ZFAND5: variants seen among roughly 807,000 people sequenced by gnomAD.
The protein encoded by ZFAND5 is AN1-type zinc finger protein 5.
A neutral mutation model predicts 23.6 loss-of-function variants in ZFAND5; 4 were observed. That is an observed-to-expected ratio of 0.17 (90% confidence interval 0.08 to 0.39). The LOEUF is 0.39. ZFAND5 is among the 10% of genes least tolerant of loss of function. The pLI, the probability that ZFAND5 is intolerant of heterozygous loss-of-function variation, is 1.00. For missense variants in ZFAND5, 161 were observed against 253.7 expected (o/e 0.63, Z 2.48); for synonymous variants, 68 against 80.6 (o/e 0.84, Z 0.84).
chr9:72,362,273 A>G (rs1364186979), intron 2 of ZFAND5, among the ~76,000 whole-genome samples: 2 of 152,264 alleles, frequency 1.3e-5, no homozygotes, highest in Admixed American at 6.5e-5. Flanking sequence ...ATTAATAAAC[A>G]CTTTCAGCTG....
chr9:72,352,455 G>A lies in ZFAND5; in HGVS notation c.*3498C>T, dbSNP rs1228054682. 2 of 152,198 alleles carry A rather than the reference G, an allele frequency of 1.3e-5. No homozygotes were observed. Among genetic ancestry groups the A allele is most frequent in the African/African-American group, 4.8e-5 (2 of 41,444 alleles). The allele number at this position is 152,198 out of a possible 1,614,324, so 9.4% of individuals were successfully genotyped here. A position where few individuals can be genotyped will look rare whatever the true frequency, so the allele number is the denominator to read the frequency against. Reference sequence around the variant, plus strand: ...TGTGCCTTTGAAATGGAGGATATGGGACAGCTTGAGAGGCTTTGCTTCTCA... The same window carrying A: ...TGTGCCTTTGAAATGGAGGATATGGAACAGCTTGAGAGGCTTTGCTTCTCA... On this transcript the variant is annotated 3_prime_UTR_variant, in exon 7 of 7. Transcript: ENST00000376962.
Position 72,355,695 on chromosome 9 carries a change from T to A in ZFAND5, c.*258A>T. ...TGGGAACTACATTTTGTTCCTATTA[T>A]CTGTGTGTTTCACTTTGCTGTGCAG... On this transcript the variant is annotated 3_prime_UTR_variant, in exon 7 of 7. Transcript: ENST00000376962. 1 of 291,516 alleles carries A rather than the reference T, an allele frequency of 3.4e-6. No homozygotes were observed. Among genetic ancestry groups the A allele is most frequent in the South Asian group, 8.8e-5 (1 of 11,316 alleles). The allele number at this position is 291,516 out of a possible 1,614,324, so 18.1% of individuals were successfully genotyped here.
At chr9:72,364,385 C>A (rs1028269327) in intron 1 of ZFAND5, 2 of 1,175,828 alleles carry the variant, frequency 1.7e-6, no homozygotes, top group African/African-American at 1.7e-5. Context: ...GTGGTGCCCA[C>A]GCCGGGCGCC....
chr9:72,360,708 G>C lies in ZFAND5; in HGVS notation c.71C>G (p.Pro24Arg). Residue 24 changes from proline (P) to arginine (R), a missense_variant, in exon 3 of 7, where the codon CCT becomes CGT. Around this residue, in one of 3 missense-constraint regions of ZFAND5, gnomAD observed 21 missense variants for 58.5 expected, o/e 0.36. Coordinates refer to ENST00000376962, the MANE Select transcript of ZFAND5 (RefSeq NM_001102420.3). ...AACTGAACACATTCCATTTGTCCTA[G>C]GATTTCCATAAAAGCCACATCCTGT... ...CSTGCGFYGNPRTNGMCSVCY... is the reference protein window; with the variant it reads ...CSTGCGFYGNRRTNGMCSVCY... 2 of 1,614,016 alleles carry C rather than the reference G, an allele frequency of 1.2e-6. No homozygotes were observed. Among genetic ancestry groups the C allele is most frequent in the Non-Finnish European group, 1.7e-6 (2 of 1,179,948 alleles).
Position 72,363,619 on chromosome 9 carries a change from A to G in ZFAND5, c.-146-13T>C, listed in dbSNP as rs1158313145. On this transcript the variant is annotated splice_polypyrimidine_tract_variant and intron_variant, in intron 1 of 6. Transcript: ENST00000376962. Reference sequence around the variant, plus strand: ...TCCTTTTCAGGGCCTGGGAGATAGAAAACAGGAGACAACTACAAAGAATCC... The same window carrying G: ...TCCTTTTCAGGGCCTGGGAGATAGAGAACAGGAGACAACTACAAAGAATCC... 1 of 983,302 alleles carries G rather than the reference A, an allele frequency of 1.0e-6. No homozygotes were observed. Among genetic ancestry groups the G allele is most frequent in the Non-Finnish European group, 1.2e-6 (1 of 828,028 alleles). The allele number at this position is 983,302 out of a possible 1,614,324, so 60.9% of individuals were successfully genotyped here.
chr9:72,364,305 G>A (rs1842195582), intron 1 of ZFAND5: 1 of 855,354 alleles, frequency 1.2e-6, no homozygotes, highest in Non-Finnish European at 1.5e-6. Flanking sequence ...TCCTCTTAGG[G>A]GAGAGCTAGG....
In ZFAND5 at chr9:72,364,396, G is replaced by A. The variant is rs1253861735; in HGVS notation, c.-147+300C>T. The A allele has an allele frequency of 5.9e-6, 7 of 1,187,370 alleles. No homozygotes were observed. In the South Asian group the frequency reaches 6.0e-5, roughly 10 times the overall value. 73.6% of individuals were successfully genotyped at this position (1,187,370 alleles called of 1,614,324 possible). A position where few individuals can be genotyped will look rare whatever the true frequency, so the allele number is the denominator to read the frequency against. On this transcript the variant is annotated intron_variant, in intron 1 of 6. Coordinates refer to ENST00000376962, the MANE Select transcript of ZFAND5 (RefSeq NM_001102420.3). Reference sequence around the variant, plus strand: ...GGTCGTGGTGCCCACGCCGGGCGCCGCCGCGGAGGCGAGCGGCCTAGAGGC... The same window carrying A: ...GGTCGTGGTGCCCACGCCGGGCGCCACCGCGGAGGCGAGCGGCCTAGAGGC...
In ZFAND5 at chr9:72,354,004, A is replaced by C. The variant is rs558041340; in HGVS notation, c.*1949T>G. On this transcript the variant is annotated 3_prime_UTR_variant, in exon 7 of 7. Coordinates refer to ENST00000376962, the MANE Select transcript of ZFAND5 (RefSeq NM_001102420.3). ...TAATCATTTACCCCAGGTAAAGTCAACATGTACCTGTCACCCCTTGTTCTT... is the reference window on the plus strand; with the variant it reads ...TAATCATTTACCCCAGGTAAAGTCACCATGTACCTGTCACCCCTTGTTCTT... 6.6e-6 allele frequency: 1 copy of C among 152,302 alleles called. No individual in the cohort carries two copies. The highest frequency in any genetic ancestry group is 2.1e-4 in the South Asian group (1 of 4,832). The allele number at this position is 152,302 out of a possible 1,614,324, so 9.4% of individuals were successfully genotyped here.
intron 3 of ZFAND5, 196 bp from the exon 4 acceptor site, chr9:72,360,417 C>T (rs1842065284): frequency 3.6e-6 from 3 of 843,558 alleles, no homozygotes; most frequent in Non-Finnish European, 3.6e-6. Context: ...AACAAAATAA[C>T]CCCAAAAAAG....
intron 2 of ZFAND5, among the ~76,000 whole-genome samples, chr9:72,361,742 A>G (rs565197302): frequency 6.6e-6 from 1 of 152,344 alleles, no homozygotes; most frequent in African/African-American, 2.4e-5. Context: ...TAAATTATTA[A>G]TAAGTTTTCC....
intron 1 of ZFAND5, chr9:72,364,286 C>A: frequency 3.0e-6 from 2 of 675,736 alleles, no homozygotes; most frequent in Non-Finnish European, 4.0e-6. Flanking sequence ...ACCCCCGACC[C>A]CGAACGGCTC....
In ZFAND5 at chr9:72,364,754, G is replaced by T; in HGVS notation, c.-205C>A. On this transcript the variant is annotated 5_prime_UTR_variant, in exon 1 of 7. Transcript: ENST00000376962. Reference sequence around the variant, plus strand: ...CGCGCGAAGCCGGCACGATGAGGCCGGGCCGAGGCCTCCGGGAAGGCTGAG... The same window carrying T: ...CGCGCGAAGCCGGCACGATGAGGCCTGGCCGAGGCCTCCGGGAAGGCTGAG... 2.0e-6 allele frequency: 1 copy of T among 509,116 alleles called. No individual in the cohort carries two copies. The allele number at this position is 509,116 out of a possible 1,614,324, so 31.5% of individuals were successfully genotyped here. A position where few individuals can be genotyped will look rare whatever the true frequency, so the allele number is the denominator to read the frequency against.
In ZFAND5 at chr9:72,355,433, G is replaced by A. The variant is rs1032535488; in HGVS notation, c.*520C>T. ...ATATGGCGCCAAATACTGGTTTCAC[G>A]GGAAAGAAGGTCTGATCCTCTTTAT... On this transcript the variant is annotated 3_prime_UTR_variant, in exon 7 of 7. Coordinates refer to ENST00000376962, the MANE Select transcript of ZFAND5 (RefSeq NM_001102420.3). The A allele has an allele frequency of 2.6e-5, 4 of 152,718 alleles. No individual in the cohort carries two copies. The highest frequency in any genetic ancestry group is 4.4e-5 in the Non-Finnish European group (3 of 68,048). 9.5% of individuals were successfully genotyped at this position (152,718 alleles called of 1,614,324 possible).
chr9:72,364,355 C>T, intron 1 of ZFAND5: 2 of 1,128,616 alleles, frequency 1.8e-6, no homozygotes, highest in Non-Finnish European at 2.2e-6. Context: ...GCCGCCTCGG[C>T]CTCTTTGTTT....
rs1385254896 is a variant in ZFAND5, at chr9:72,353,442, G to C, written c.*2511C>G. The C allele has an allele frequency of 2.6e-5, 4 of 152,220 alleles. No individual in the cohort carries two copies. In the South Asian group the frequency reaches 6.2e-4, roughly 24 times the overall value. 9.4% of individuals were successfully genotyped at this position (152,220 alleles called of 1,614,324 possible). ...TGTAATCCCAGCACTTTGGGAGGCC[G>C]AGGCGGGCAGCTCACCTGAGGTCAG... On this transcript the variant is annotated 3_prime_UTR_variant, in exon 7 of 7. Coordinates refer to ENST00000376962, the MANE Select transcript of ZFAND5 (RefSeq NM_001102420.3).
rs572024124 is a variant in ZFAND5, at chr9:72,364,763, C to T, written c.-214G>A. 1.4e-3 allele frequency: 649 copies of T among 454,808 alleles called. 6 individuals carry two copies. Among genetic ancestry groups the T allele is most frequent in the African/African-American group, 0.013 (626 of 46,404 alleles). 28.2% of individuals were successfully genotyped at this position (454,808 alleles called of 1,614,324 possible). On this transcript the variant is annotated 5_prime_UTR_variant, in exon 1 of 7. Coordinates refer to ENST00000376962, the MANE Select transcript of ZFAND5 (RefSeq NM_001102420.3). ...CCGGCACGATGAGGCCGGGCCGAGG[C>T]CTCCGGGAAGGCTGAGCCGGGCGCC...
In ZFAND5 at chr9:72,364,769, G is replaced by A; in HGVS notation, c.-220C>T. 1 of 410,612 alleles carries A rather than the reference G, an allele frequency of 2.4e-6. No individual in the cohort carries two copies. Among genetic ancestry groups the A allele is most frequent in the South Asian group, 4.8e-5 (1 of 20,984 alleles). The allele number at this position is 410,612 out of a possible 1,614,324, so 25.4% of individuals were successfully genotyped here. A position where few individuals can be genotyped will look rare whatever the true frequency, so the allele number is the denominator to read the frequency against. ...CGATGAGGCCGGGCCGAGGCCTCCG[G>A]GAAGGCTGAGCCGGGCGCCCTGGTG... On this transcript the variant is annotated 5_prime_UTR_variant, in exon 1 of 7. Coordinates refer to ENST00000376962, the MANE Select transcript of ZFAND5 (RefSeq NM_001102420.3).
At chr9:72,358,676 ACTG>A (rs1842010765) in intron 5 of ZFAND5, among the ~76,000 whole-genome samples, 1 of 152,150 alleles carries the variant, frequency 6.6e-6, no homozygotes, top group Non-Finnish European at 1.5e-5. Flanking sequence ...AACAAACTTG[ACTG>A]CTGTTAGCAA....
In ZFAND5 at chr9:72,352,773, AAGAC is replaced by A; in HGVS notation, c.*3176_*3179del. ...ATGGAAACCATTATTCCAGAACATT[AAGAC>A]AATAGCAAATACAATGTGCCAGGCA... On this transcript the variant is annotated 3_prime_UTR_variant, in exon 7 of 7. Coordinates refer to ENST00000376962, the MANE Select transcript of ZFAND5 (RefSeq NM_001102420.3). The A allele has an allele frequency of 6.6e-6, 1 of 152,234 alleles. No homozygotes were observed. Among genetic ancestry groups the A allele is most frequent in the African/African-American group, 2.4e-5 (1 of 41,458 alleles). The allele number at this position is 152,234 out of a possible 1,614,324, so 9.4% of individuals were successfully genotyped here. A position where few individuals can be genotyped will look rare whatever the true frequency, so the allele number is the denominator to read the frequency against.
Sources: gnomAD v4.1 joint callset for allele counts (sites outside exome capture counted in the v4.1 genomes callset) on GRCh38, gnomAD v4.1.1 for gene constraint, gnomAD v4.1.1 regional missense constraint, MANE v1.5 for transcripts, NCBI Gene and HGNC (gene_info 2026-07-23, HGNC 2026-07-21) for gene names.